RSU1: variants seen among roughly 807,000 people sequenced by gnomAD.
RSU1 encodes the protein rsu-1.
In RSU1, 26 loss-of-function variants were observed where a neutral mutation model predicts 31.1. The ratio of observed to expected loss-of-function variants is 0.84; its 90% confidence interval spans 0.61 to 1.16. RSU1 has a LOEUF of 1.16. Among genes scored for constraint, RSU1 ranks in the 50% most tolerant of loss-of-function variants. The pLI, the probability that RSU1 is intolerant of heterozygous loss-of-function variation, is 0.00. For missense variants in RSU1, 320 were observed against 339.1 expected, an observed-to-expected ratio of 0.94 and a Z score of 0.44; for synonymous variants, 164 against 136.3, an observed-to-expected ratio of 1.20 and a Z score of -1.41.
intron 7 of RSU1, among the ~76,000 whole-genome samples, chr10:16,737,155 G>A (rs80047472): frequency 0.053 from 7,984 of 150,884 alleles, 609 homozygotes; most frequent in African/African-American, 0.17. Flanking sequence ...AGAGAGATGG[G>A]AAATCAATCA....
chr10:16,738,861 C>T (rs972092991), intron 7 of RSU1, among the ~76,000 whole-genome samples: 1 of 129,910 alleles, frequency 7.7e-6, no homozygotes, highest in Admixed American at 8.0e-5. Flanking sequence ...CCTCTCCTTG[C>T]CCCCCACCCC....
intron 4 of RSU1, among the ~76,000 whole-genome samples, chr10:16,756,140 T>C (rs1339393580): frequency 6.6e-6 from 1 of 152,120 alleles, no homozygotes; most frequent in African/African-American, 2.4e-5. Context: ...CTGCTAACAC[T>C]GAAAATTATC....
chr10:16,753,625 TAAG>T (rs1476853199), intron 5 of RSU1, among the ~76,000 whole-genome samples: 9 of 152,110 alleles, frequency 5.9e-5, no homozygotes, highest in Non-Finnish European at 8.8e-5. Context: ...AATCCTAACT[TAAG>T]GAGAATATCA....
chr10:16,590,793 T>C lies in RSU1; in HGVS notation c.*2601A>G, dbSNP rs1240229988. The stretch of plus-strand genomic sequence containing the variant: ...CCTCTATTTAATTTTTATGCACACG[T>C]ATTACAAACAAGCTTCCTTTTGACA... On this transcript the variant is annotated 3_prime_UTR_variant, in exon 9 of 9. Coordinates refer to ENST00000345264, the MANE Select transcript of RSU1 (RefSeq NM_012425.4). The C allele has an allele frequency of 2.6e-5, 4 of 152,256 alleles. No homozygotes were observed. Among genetic ancestry groups the C allele is most frequent in the Non-Finnish European group, 4.4e-5 (3 of 68,040 alleles). The allele number at this position is 152,256 out of a possible 1,614,324, so 9.4% of individuals were successfully genotyped here.
At chr10:16,704,583 T>G (rs1388459575) in intron 7 of RSU1, among the ~76,000 whole-genome samples, 1 of 152,222 alleles carries the variant, frequency 6.6e-6, no homozygotes, top group African/African-American at 2.4e-5. Flanking sequence ...TTAGGAGCAC[T>G]GGGGAGTTAT....
intron 3 of RSU1, among the ~76,000 whole-genome samples, chr10:16,772,688 A>T (rs1164113672): frequency 1.3e-5 from 2 of 151,364 alleles, no homozygotes; most frequent in African/African-American, 4.9e-5. Context: ...CAATCCATCA[A>T]TGGAAAAAAG....
chr10:16,748,562 G>A (rs574791659), intron 7 of RSU1, among the ~76,000 whole-genome samples: 5 of 152,324 alleles, frequency 3.3e-5, no homozygotes, highest in African/African-American at 9.6e-5. Flanking sequence ...ATCTATAGGA[G>A]TGCCCATTTC....
chr10:16,747,494 TCA>T (rs59457468), intron 7 of RSU1, among the ~76,000 whole-genome samples: 17,086 of 152,114 alleles, frequency 0.11, 1,203 homozygotes, highest in Admixed American at 0.17. Context: ...ACCAAAAACC[TCA>T]CAGTTAACCT....
intron 7 of RSU1, among the ~76,000 whole-genome samples, chr10:16,731,328 A>T (rs952649422): frequency 6.6e-6 from 1 of 151,552 alleles, no homozygotes; most frequent in Non-Finnish European, 1.5e-5. Context: ...TACTTGGGAG[A>T]CTGAGGCAGG....
intron 8 of RSU1, among the ~76,000 whole-genome samples, chr10:16,593,831 A>T (rs929332301): frequency 1.2e-4 from 18 of 152,216 alleles, no homozygotes; most frequent in African/African-American, 4.1e-4. Context: ...GATTGAATGG[A>T]AGAGACAGAG....
At chr10:16,691,377 C>T (rs1407913148) in intron 8 of RSU1, among the ~76,000 whole-genome samples, 2 of 107,146 alleles carry the variant, frequency 1.9e-5, no homozygotes. Flanking sequence ...CATTTTTGTG[C>T]AGTTTTTTTT....
chr10:16,711,225 T>A (rs1358405245), intron 7 of RSU1, among the ~76,000 whole-genome samples: 1 of 152,200 alleles, frequency 6.6e-6, no homozygotes, highest in Non-Finnish European at 1.5e-5. Context: ...TCTCTATAAT[T>A]TTCTGTATTT....
At chr10:16,765,816 G>T (rs1837301913) in intron 3 of RSU1, among the ~76,000 whole-genome samples, 1 of 152,192 alleles carries the variant, frequency 6.6e-6, no homozygotes, top group Non-Finnish European at 1.5e-5. Flanking sequence ...CTCCAGGGGT[G>T]CCCCAGGAGG....
intron 7 of RSU1, among the ~76,000 whole-genome samples, chr10:16,732,729 C>G (rs1010477796): frequency 6.6e-6 from 1 of 152,178 alleles, no homozygotes; most frequent in Non-Finnish European, 1.5e-5. Flanking sequence ...ACCTGGTGTT[C>G]CAATTTAACA....
intron 2 of RSU1, among the ~76,000 whole-genome samples, chr10:16,800,609 G>GT (rs1491552447): frequency 2.0e-5 from 3 of 152,142 alleles, no homozygotes; most frequent in Non-Finnish European, 4.4e-5. Flanking sequence ...TACAAAAGGC[G>GT]TAACAGGCAT....
intron 7 of RSU1, among the ~76,000 whole-genome samples, chr10:16,738,817 C>A (rs1000622214): frequency 4.6e-5 from 7 of 152,010 alleles, no homozygotes; most frequent in Non-Finnish European, 7.4e-5. Flanking sequence ...GGTTTTCAGC[C>A]GCACATGCAT....
At chr10:16,641,152 G>A (rs967354167) in intron 8 of RSU1, among the ~76,000 whole-genome samples, 1 of 152,072 alleles carries the variant, frequency 6.6e-6, no homozygotes, top group Non-Finnish European at 1.5e-5. Context: ...ATGTACCCTG[G>A]AACTTAAAAT....
intron 8 of RSU1, among the ~76,000 whole-genome samples, chr10:16,605,217 C>T (rs539686734): frequency 1.2e-4 from 19 of 152,258 alleles, no homozygotes; most frequent in African/African-American, 4.6e-4. Flanking sequence ...AATGTGAGTT[C>T]CCGAGCCAGG....
chr10:16,685,504 G>C (rs369861797), intron 8 of RSU1, among the ~76,000 whole-genome samples: 5 of 152,138 alleles, frequency 3.3e-5, no homozygotes, highest in Non-Finnish European at 5.9e-5. Flanking sequence ...TAAACAAGCG[G>C]TGGATTATTC....
Sources: gnomAD v4.1 joint callset for allele counts (sites outside exome capture counted in the v4.1 genomes callset) on GRCh38, gnomAD v4.1.1 for gene constraint, MANE v1.5 for transcripts, NCBI Gene and HGNC (gene_info 2026-07-23, HGNC 2026-07-21) for gene names.